NOVA1: variants seen among roughly 807,000 people sequenced by gnomAD.
The protein encoded by NOVA1 is NOVA alternative splicing regulator 1, also known as RNA-binding protein Nova-1.
In NOVA1, 7 loss-of-function variants were observed where a neutral mutation model predicts 38.0. That is an observed-to-expected ratio of 0.18 (90% confidence interval 0.10 to 0.35). The LOEUF (loss-of-function observed/expected upper bound fraction) is 0.35. Ranked by LOEUF, NOVA1 falls within the 10% of genes least tolerant of loss-of-function variation. The probability of loss-of-function intolerance (pLI) is 1.00; values close to 1 mark genes in which losing one functional copy is unlikely to be tolerated. For synonymous variants in NOVA1, 270 were observed against 232.5 expected (o/e 1.16, Z -1.47); for missense variants, 460 against 616.0 (o/e 0.75, Z 2.68).
intron 2 of NOVA1, among the ~76,000 whole-genome samples, chr14:26,559,438 GT>G (rs1891687549): frequency 1.3e-5 from 2 of 152,064 alleles, no homozygotes; most frequent in South Asian, 4.1e-4. Context: ...ATGTAGACAG[GT>G]TTTTTTATAT....
intron 2 of NOVA1, among the ~76,000 whole-genome samples, chr14:26,555,179 T>C (rs768076000): frequency 6.6e-5 from 10 of 152,114 alleles, no homozygotes; most frequent in African/African-American, 9.7e-5. Flanking sequence ...AATACTTTGC[T>C]CTGACTTATA....
chr14:26,506,650 G>A (rs113127013), intron 2 of NOVA1, among the ~76,000 whole-genome samples: 4 of 152,170 alleles, frequency 2.6e-5, no homozygotes, highest in African/African-American at 9.6e-5. Context: ...CATGAACTCG[G>A]CTCACTGCAA....
chr14:26,456,818 T>C (rs1883218584), intron 4 of NOVA1, among the ~76,000 whole-genome samples: 1 of 151,900 alleles, frequency 6.6e-6, no homozygotes, highest in Non-Finnish European at 1.5e-5. Flanking sequence ...GTATTAGTGT[T>C]TTAAGGTAAG....
chr14:26,497,456 T>A, intron 2 of NOVA1, among the ~76,000 whole-genome samples: 1 of 152,216 alleles, frequency 6.6e-6, no homozygotes, highest in South Asian at 2.1e-4. Flanking sequence ...GGAAAATGTA[T>A]ATGAAATATC....
At chr14:26,574,271 C>A (rs1290833326) in intron 2 of NOVA1, among the ~76,000 whole-genome samples, 5 of 87,990 alleles carry the variant, frequency 5.7e-5, no homozygotes, top group African/African-American at 1.0e-4. Flanking sequence ...TGATCCACCC[C>A]CCCCCCCCCG....
intron 2 of NOVA1, among the ~76,000 whole-genome samples, chr14:26,536,386 G>T (rs2138577128): frequency 6.6e-6 from 1 of 151,840 alleles, no homozygotes; most frequent in East Asian, 1.9e-4. Context: ...TAACACAAAG[G>T]ATAAATGCTT....
chr14:26,457,097 A>G (rs1027964574), intron 4 of NOVA1, among the ~76,000 whole-genome samples: 7 of 151,990 alleles, frequency 4.6e-5, no homozygotes, highest in African/African-American at 1.7e-4. Flanking sequence ...TACCATATAC[A>G]CTTTGTCTTA....
intron 2 of NOVA1, among the ~76,000 whole-genome samples, chr14:26,568,833 C>G (rs373874083): frequency 6.6e-6 from 1 of 152,084 alleles, no homozygotes; most frequent in Non-Finnish European, 1.5e-5. Flanking sequence ...GAGTAAAATA[C>G]GCCCTGATCC....
At chr14:26,596,675 T>TTAAC in intron 1 of NOVA1, 1 of 1,289,014 alleles carries the variant, frequency 7.8e-7, no homozygotes, top group African/African-American at 1.5e-5. Flanking sequence ...GCGCAGGATG[T>TTAAC]TAACTAACAA....
At chr14:26,487,842 C>A (rs1886037500) in intron 2 of NOVA1, among the ~76,000 whole-genome samples, 1 of 152,120 alleles carries the variant, frequency 6.6e-6, no homozygotes, top group Non-Finnish European at 1.5e-5. Context: ...CAGACCACCA[C>A]AGGAGATGGT....
At chr14:26,499,790 A>G (rs1166397835) in intron 2 of NOVA1, among the ~76,000 whole-genome samples, 1 of 152,118 alleles carries the variant, frequency 6.6e-6, no homozygotes, top group African/African-American at 2.4e-5. Flanking sequence ...TGTGACTTAT[A>G]AAGTGTTTTG....
intron 2 of NOVA1, among the ~76,000 whole-genome samples, chr14:26,544,907 T>TA (rs1176283991): frequency 6.6e-6 from 1 of 152,032 alleles, no homozygotes; most frequent in African/African-American, 2.4e-5. Context: ...ATAAACCCGT[T>TA]AGAGTGATAA....
intron 2 of NOVA1, among the ~76,000 whole-genome samples, chr14:26,513,288 T>C (rs921184442): frequency 6.6e-6 from 1 of 152,048 alleles, no homozygotes; most frequent in Non-Finnish European, 1.5e-5. Flanking sequence ...ATTTATGGAT[T>C]TTCATTAAAT....
chr14:26,470,674 G>A (rs1217795769), intron 4 of NOVA1, among the ~76,000 whole-genome samples: 3 of 152,002 alleles, frequency 2.0e-5, no homozygotes, highest in African/African-American at 7.2e-5. Context: ...TATATAATTT[G>A]CCTTTTAAAG....
Position 26,597,507 on chromosome 14 carries a change from CTTTT to C in NOVA1, c.-75_-72del, listed in dbSNP as rs563401938. ...GTTTTGGCTTTTTCTTTTCTTTTTT[CTTTT>C]TTTTTTTTTTTTTTTTTTGCGTTTG... On this transcript the variant is annotated 5_prime_UTR_variant, in exon 1 of 5. Transcript: ENST00000539517. 3.2e-3 allele frequency: 2,512 copies of C among 778,052 alleles called. No individual in the cohort carries two copies. Among genetic ancestry groups the C allele is most frequent in the East Asian group, 0.011 (124 of 11,428 alleles). 48.2% of individuals were successfully genotyped at this position (778,052 alleles called of 1,614,324 possible). A position where few individuals can be genotyped will look rare whatever the true frequency, so the allele number is the denominator to read the frequency against.
chr14:26,515,370 C>T (rs972493083), intron 2 of NOVA1, among the ~76,000 whole-genome samples: 9 of 151,898 alleles, frequency 5.9e-5, no homozygotes, highest in Admixed American at 1.3e-4. Flanking sequence ...TTCTAAAACA[C>T]TTATTATATG....
intron 2 of NOVA1, among the ~76,000 whole-genome samples, chr14:26,546,488 A>T (rs1416610059): frequency 6.6e-6 from 1 of 152,226 alleles, no homozygotes; most frequent in African/African-American, 2.4e-5. Flanking sequence ...CTGAGAATTT[A>T]AAATTATGGA....
At chr14:26,507,604 A>AG (rs1374062827) in intron 2 of NOVA1, among the ~76,000 whole-genome samples, 1 of 152,180 alleles carries the variant, frequency 6.6e-6, no homozygotes, top group Admixed American at 6.5e-5. Flanking sequence ...ATTTTCAAAT[A>AG]GCCTTAGTTT....
chr14:26,521,361 G>T (rs1888872045), intron 2 of NOVA1, among the ~76,000 whole-genome samples: 1 of 152,024 alleles, frequency 6.6e-6, no homozygotes, highest in African/African-American at 2.4e-5. Flanking sequence ...TTTAAAAAGT[G>T]ACATGCAGTT....
Sources: allele counts gnomAD v4.1 joint callset (sites outside exome capture counted in the v4.1 genomes callset), GRCh38; gene constraint gnomAD v4.1.1; transcripts MANE v1.5; gene names NCBI Gene and HGNC (gene_info 2026-07-23, HGNC 2026-07-21).